The following S1PR2 variants were observed in gnomAD, a reference collection of about 807,000 sequenced individuals.
The protein encoded by S1PR2 is sphingosine 1-phosphate receptor 2.
S1PR2 carries 9 observed loss-of-function variants against 16.1 expected under a neutral mutation model. The ratio of observed to expected loss-of-function variants is 0.56; its 90% CI spans 0.34 to 0.98. The LOEUF (loss-of-function observed/expected upper bound fraction) is 0.98. Ranked by LOEUF, S1PR2 falls within the 50% of genes least tolerant of loss-of-function variation. The pLI, the probability that S1PR2 is intolerant of heterozygous loss-of-function variation, is 0.02. For missense variants in S1PR2, 361 were observed against 488.4 expected (o/e 0.74, Z 2.46); for synonymous variants, 224 against 233.9 (o/e 0.96, Z 0.38).
intron 1 of S1PR2, chr19:10,230,349 A>AG (rs2039664515): frequency 6.5e-6 from 1 of 154,198 alleles, no homozygotes; most frequent in Non-Finnish European, 1.5e-5. Context: ...CCGTCCCGCC[A>AG]GGGGTCCCGC....
intron 1 of S1PR2, among the ~76,000 whole-genome samples, chr19:10,229,350 T>C (rs1218712745): frequency 2.6e-5 from 4 of 152,008 alleles, no homozygotes; most frequent in East Asian, 1.9e-4. Context: ...AGTGCAGTGG[T>C]GTGATCTCGG....
In S1PR2 at chr19:10,224,597, C is replaced by A. The variant is rs780028833; in HGVS notation, c.309G>T (p.Val103=). The A allele has an allele frequency of 2.5e-6, 4 of 1,613,878 alleles. No homozygotes were observed. The highest frequency in any genetic ancestry group is 1.7e-5 in the Admixed American group (1 of 60,016). Residue 103 remains valine, a synonymous_variant, in exon 2 of 2, where the codon GTG becomes GTT. Coordinates refer to ENST00000646641, the MANE Select transcript of S1PR2 (RefSeq NM_004230.4). The part of the protein sequence containing the change: ...SGSVTLRLTP[V]QWFAREGSAF... ...CAGAGCCCTCCCGGGCAAACCACTG[C>A]ACAGGCGTCAGCCTCAGCGTGACAG... is the stretch of plus-strand genomic sequence containing the variant.
intron 1 of S1PR2, among the ~76,000 whole-genome samples, chr19:10,229,751 C>G (rs1215885213): frequency 6.6e-6 from 1 of 152,078 alleles, no homozygotes; most frequent in Non-Finnish European, 1.5e-5. Context: ...ACTCCCCTGA[C>G]CCCCAGTCTA....
At chr19:10,226,190 C>T (rs538052839) in intron 1 of S1PR2, among the ~76,000 whole-genome samples, 2 of 152,210 alleles carry the variant, frequency 1.3e-5, no homozygotes, top group Non-Finnish European at 2.9e-5. Flanking sequence ...CATTCATTAC[C>T]ACCCACTAAC....
rs561868200 is a variant in S1PR2 at position 10,224,229 on chromosome 19, G to A, written c.677C>T (p.Pro226Leu). The A allele has an allele frequency of 7.1e-5, 115 of 1,613,560 alleles. No homozygotes were observed. The highest frequency in any genetic ancestry group is 1.2e-4 in the Admixed American group (7 of 60,026). ...VRSSHADMAAPQTLALLKTVT... is the reference protein window; with the variant it reads ...VRSSHADMAALQTLALLKTVT... Reference sequence around the variant, plus strand: ...CGTCTTGAGCAGGGCTAGCGTCTGCGGGGCGGCCATGTCAGCGTGGCTTGA... The same window carrying A: ...CGTCTTGAGCAGGGCTAGCGTCTGCAGGGCGGCCATGTCAGCGTGGCTTGA... The change falls in exon 2 of 2, where the codon CCG becomes CTG. Residue 226 changes from proline to leucine, a missense_variant. Coordinates refer to ENST00000646641, the MANE Select transcript of S1PR2 (RefSeq NM_004230.4).
In S1PR2 at chr19:10,223,931, G is replaced by A. The variant is rs1303223541; in HGVS notation, c.975C>T (p.Leu325=). 6.2e-7 allele frequency: 1 copy of A among 1,604,346 alleles called. No homozygotes were observed. The highest frequency in any genetic ancestry group is 1.3e-5 in the African/African-American group (1 of 74,836). Reference sequence around the variant, plus strand: ...GGGAGCTGGAGCTGCGGAGTGGCAGGAGGTGGTGGCCCGGGGTCCCGCCCC... The same window carrying A: ...GGGAGCTGGAGCTGCGGAGTGGCAGAAGGTGGTGGCCCGGGGTCCCGCCCC... ...RRRGGTPGHH[L]LPLRSSSSLE... The change falls in exon 2 of 2, where the codon CTC becomes CTT. Residue 325 remains leucine (L), a synonymous_variant. Coordinates refer to ENST00000646641, the MANE Select transcript of S1PR2 (RefSeq NM_004230.4).
intron 1 of S1PR2, among the ~76,000 whole-genome samples, chr19:10,229,761 A>G (rs936854305): frequency 6.6e-6 from 1 of 152,154 alleles, no homozygotes; most frequent in Non-Finnish European, 1.5e-5. Flanking sequence ...CCCCCAGTCT[A>G]CAATAGCAGC....
chr19:10,230,774 C>T (rs1270911882), intron 1 of S1PR2, among the ~76,000 whole-genome samples: 1 of 152,252 alleles, frequency 6.6e-6, no homozygotes, highest in Non-Finnish European at 1.5e-5. Context: ...TCCGACCGCC[C>T]TCCCCGTGGG....
At chr19:10,228,071 C>T (rs895263749) in intron 1 of S1PR2, among the ~76,000 whole-genome samples, 5 of 146,898 alleles carry the variant, frequency 3.4e-5, no homozygotes, top group Non-Finnish European at 5.9e-5. Flanking sequence ...GAAGCCGAGG[C>T]GGGCCTATCA....
chr19:10,224,335 C>A lies in S1PR2; in HGVS notation c.571G>T (p.Val191Leu), dbSNP rs755137611. 6.2e-7 allele frequency: 1 copy of A among 1,614,156 alleles called. No individual in the cohort carries two copies. The change falls in exon 2 of 2, where the codon GTG (valine) becomes TTG (leucine). Residue 191 changes from valine (V) to leucine (L), a missense_variant. Physicochemically the swap from Val to Leu is conservative, Grantham distance 32. Coordinates refer to ENST00000646641, the MANE Select transcript of S1PR2 (RefSeq NM_004230.4). ...TVLPLYAKHY[V>L]LCVVTIFSII... The stretch of plus-strand genomic sequence containing the variant: ...GAGAAGATGGTCACCACGCACAGCA[C>A]ATAATGCTTGGCGTAGAGAGGCAGG...
intron 1 of S1PR2, among the ~76,000 whole-genome samples, chr19:10,230,862 G>A (rs2039671732): frequency 1.3e-5 from 2 of 152,276 alleles, no homozygotes; most frequent in African/African-American, 2.4e-5. Context: ...CAGGAGGGGT[G>A]TTGCCCCCCC....
chr19:10,226,772 G>A (rs1238160610), intron 1 of S1PR2, among the ~76,000 whole-genome samples: 1 of 152,200 alleles, frequency 6.6e-6, no homozygotes, highest in Non-Finnish European at 1.5e-5. Context: ...AGGAAGGCGG[G>A]ATGTAGGGGG....
Position 10,223,831 on chromosome 19 carries a change from T to C in S1PR2, c.*13A>G. 2 of 1,521,672 alleles carry C rather than the reference T, an allele frequency of 1.3e-6. No individual in the cohort carries two copies. The highest frequency in any genetic ancestry group is 1.4e-5 in the African/African-American group (1 of 71,784). The allele number at this position is 1,521,672 out of a possible 1,614,324, so 94.3% of individuals were successfully genotyped here. A position where few individuals can be genotyped will look rare whatever the true frequency, so the allele number is the denominator to read the frequency against. On this transcript the variant is annotated 3_prime_UTR_variant, in exon 2 of 2. Transcript: ENST00000646641. ...CCCTCTGCCCTGGCCTGGTTGTTGGTCCACCCCCACCCTCAGACCACCGTG... is the reference window on the plus strand; with the variant it reads ...CCCTCTGCCCTGGCCTGGTTGTTGGCCCACCCCCACCCTCAGACCACCGTG...
At chr19:10,230,244 T>C (rs2145446490) in intron 1 of S1PR2, among the ~76,000 whole-genome samples, 1 of 152,244 alleles carries the variant, frequency 6.6e-6, no homozygotes, top group Middle Eastern at 3.4e-3. Context: ...CCACGCTCGC[T>C]CGCGCGGGAG....
Position 10,223,072 on chromosome 19 carries a change from C to T in S1PR2, c.*772G>A. Reference sequence around the variant, plus strand: ...ATCCCAGCTACTCAGGAGGCTCAGGCTGGAGAATCGCTTGAACCTGGGAGG... The same window carrying T: ...ATCCCAGCTACTCAGGAGGCTCAGGTTGGAGAATCGCTTGAACCTGGGAGG... On this transcript the variant is annotated 3_prime_UTR_variant, in exon 2 of 2. Transcript: ENST00000646641. 1 of 145,300 alleles carries T rather than the reference C, an allele frequency of 6.9e-6. No homozygotes were observed. Among genetic ancestry groups the T allele is most frequent in the East Asian group, 2.1e-4 (1 of 4,832 alleles). 9.0% of individuals were successfully genotyped at this position (145,300 alleles called of 1,614,324 possible). A position where few individuals can be genotyped will look rare whatever the true frequency, so the allele number is the denominator to read the frequency against.
At chr19:10,225,431 C>G (rs1161687397) in intron 1 of S1PR2, among the ~76,000 whole-genome samples, 1 of 138,400 alleles carries the variant, frequency 7.2e-6, no homozygotes, top group African/African-American at 2.7e-5. Flanking sequence ...GAGTCTCCCT[C>G]TGTTGCCAAG....
rs2039614172 is a variant in S1PR2, at chr19:10,224,209, T to C, written c.697A>G (p.Lys233Glu). The C allele has an allele frequency of 6.2e-7, 1 of 1,612,680 alleles. No individual in the cohort carries two copies. The highest frequency in any genetic ancestry group is 1.1e-5 in the South Asian group (1 of 91,088). ...MAAPQTLALLKTVTIVLGVFI... is the reference protein window; with the variant it reads ...MAAPQTLALLETVTIVLGVFI... ...ACGCCTAGCACGATGGTGACCGTCT[T>C]GAGCAGGGCTAGCGTCTGCGGGGCG... The change falls in exon 2 of 2, where the codon AAG becomes GAG. Residue 233 changes from lysine to glutamate, a missense_variant. Lys to Glu is a moderately conservative substitution (Grantham distance 56). Transcript: ENST00000646641.
At chr19:10,227,912 A>G (rs1305530579) in intron 1 of S1PR2, among the ~76,000 whole-genome samples, 3 of 152,054 alleles carry the variant, frequency 2.0e-5, no homozygotes, top group Non-Finnish European at 2.9e-5. Context: ...AGTGAGAATC[A>G]AGGTCCCTTT....
Position 10,221,881 on chromosome 19 carries a change from G to A in S1PR2, c.*1963C>T, listed in dbSNP as rs1372775029. On this transcript the variant is annotated 3_prime_UTR_variant, in exon 2 of 2. Transcript: ENST00000646641. Reference sequence around the variant, plus strand: ...TCCATTATCCACAGGTTTTTGTGAAGTCCTTCTGGGGGGTTAGGGGAGAGT... The same window carrying A: ...TCCATTATCCACAGGTTTTTGTGAAATCCTTCTGGGGGGTTAGGGGAGAGT... 6.6e-6 allele frequency: 1 copy of A among 152,468 alleles called. No individual in the cohort carries two copies. The highest frequency in any genetic ancestry group is 1.5e-5 in the Non-Finnish European group (1 of 68,192). 9.4% of individuals were successfully genotyped at this position (152,468 alleles called of 1,614,324 possible). A position where few individuals can be genotyped will look rare whatever the true frequency, so the allele number is the denominator to read the frequency against.
Sources: gnomAD v4.1 joint callset for allele counts (sites outside exome capture counted in the v4.1 genomes callset) on GRCh38, gnomAD v4.1.1 for gene constraint, MANE v1.5 for transcripts, NCBI Gene and HGNC (gene_info 2026-07-23, HGNC 2026-07-21) for gene names.